Variants in YWHAG observed in about 807,000 individuals in gnomAD.
YWHAG encodes tyrosine 3-monooxygenase/tryptophan 5-monooxygenase activation protein gamma, also known as 14-3-3 protein gamma.
In YWHAG, 1 loss-of-function variant was observed where a neutral mutation model predicts 23.3. The observed-to-expected ratio is 0.04, with a 90% CI of 0.02 to 0.20. The LOEUF (loss-of-function observed/expected upper bound fraction) is 0.20. Among genes scored for constraint, YWHAG ranks in the 10% least tolerant of loss-of-function variants. The pLI, the probability that YWHAG is intolerant of heterozygous loss-of-function variation, is 1.00. For synonymous variants in YWHAG, 160 were observed against 144.0 expected, an observed-to-expected ratio of 1.11 and a Z score of -0.80; for missense variants, 151 against 338.6, an observed-to-expected ratio of 0.45 and a Z score of 4.35.
chr7:76,328,915 CCAAA>C lies in YWHAG; in HGVS notation c.*658_*661del, dbSNP rs1803497722. 6.6e-6 allele frequency: 1 copy of C among 152,384 alleles called. No homozygotes were observed. Among genetic ancestry groups the C allele is most frequent in the Non-Finnish European group, 1.5e-5 (1 of 68,018 alleles). The allele number at this position is 152,384 out of a possible 1,614,324, so 9.4% of individuals were successfully genotyped here. A position where few individuals can be genotyped will look rare whatever the true frequency, so the allele number is the denominator to read the frequency against. On this transcript the variant is annotated 3_prime_UTR_variant, in exon 2 of 2. Coordinates refer to ENST00000307630, the MANE Select transcript of YWHAG (RefSeq NM_012479.4). ...TAAGGCTGAATAAGGATGTTAAAGC[CCAAA>C]CAACTAGCAAAGGAAAAGTACACAA...
rs1159317365 is a variant in YWHAG at position 76,327,502 on chromosome 7, G to A, written c.*2075C>T. The A allele has an allele frequency of 6.6e-6, 1 of 152,554 alleles. No homozygotes were observed. The highest frequency in any genetic ancestry group is 1.9e-4 in the East Asian group (1 of 5,198). The allele number at this position is 152,554 out of a possible 1,614,324, so 9.5% of individuals were successfully genotyped here. ...CCCTCTCCGTTTTCAGCCCTCAGGT[G>A]TGATTTTTATCTTGCATTATTCTAA... On this transcript the variant is annotated 3_prime_UTR_variant, in exon 2 of 2. Transcript: ENST00000307630.
chr7:76,355,372 C>T (rs1803938315), intron 1 of YWHAG, among the ~76,000 whole-genome samples: 1 of 152,208 alleles, frequency 6.6e-6, no homozygotes, highest in Non-Finnish European at 1.5e-5. Context: ...ACATTTAGCG[C>T]CATGTTGAAT....
At chr7:76,338,515 C>G (rs1403042820) in intron 1 of YWHAG, among the ~76,000 whole-genome samples, 1 of 152,116 alleles carries the variant, frequency 6.6e-6, no homozygotes, top group Non-Finnish European at 1.5e-5. Context: ...CTCATTAACA[C>G]TCCACAGAGC....
chr7:76,340,784 T>C (rs1349247791), intron 1 of YWHAG, among the ~76,000 whole-genome samples: 1 of 152,246 alleles, frequency 6.6e-6, no homozygotes, highest in Non-Finnish European at 1.5e-5. Context: ...AGGTTAAGAA[T>C]TGTAGCAGTT....
chr7:76,345,263 G>T (rs1803760408), intron 1 of YWHAG, among the ~76,000 whole-genome samples: 1 of 147,854 alleles, frequency 6.8e-6, no homozygotes, highest in African/African-American at 2.5e-5. Flanking sequence ...TTGGCTCACT[G>T]CAAGCTCTGC....
chr7:76,349,854 C>A (rs1453292723), intron 1 of YWHAG, among the ~76,000 whole-genome samples: 1 of 152,034 alleles, frequency 6.6e-6, no homozygotes, highest in African/African-American at 2.4e-5. Flanking sequence ...ATTAGCCAGG[C>A]GTGGTGGTGG....
chr7:76,353,141 T>C lies in YWHAG; in HGVS notation c.87+5581A>G, dbSNP rs527309543. On this transcript the variant is annotated intron_variant, in intron 1 of 1. Coordinates refer to ENST00000307630, the MANE Select transcript of YWHAG (RefSeq NM_012479.4). ...CTTTTAAGATTTACAATTTTTATTT[T>C]TTCTACAAAATCATGGTAGCAAACC... Among the ~76,000 whole-genome samples the C allele has an allele frequency of 2.7e-4, 41 of 152,348 alleles. 1 individual carries two copies. In the South Asian group the frequency reaches 7.4e-3, roughly 28 times the overall value.
intron 1 of YWHAG, among the ~76,000 whole-genome samples, chr7:76,350,641 G>A (rs1416899494): frequency 1.3e-5 from 2 of 152,126 alleles, no homozygotes; most frequent in Non-Finnish European, 2.9e-5. Flanking sequence ...GCCAGGAGTT[G>A]GAGACCAGCC....
At chr7:76,343,456 A>G (rs1803729233) in intron 1 of YWHAG, among the ~76,000 whole-genome samples, 1 of 152,220 alleles carries the variant, frequency 6.6e-6, no homozygotes, top group South Asian at 2.1e-4. Context: ...GGGCTTGGCC[A>G]TATGAATCAG....
intron 1 of YWHAG, among the ~76,000 whole-genome samples, chr7:76,337,994 G>A (rs948243658): frequency 2.0e-5 from 3 of 151,968 alleles, no homozygotes; most frequent in East Asian, 3.9e-4. Context: ...TTATAAGTCC[G>A]GTGACCAGGG....
intron 1 of YWHAG, among the ~76,000 whole-genome samples, chr7:76,338,223 AG>A (rs1239059601): frequency 6.6e-6 from 1 of 152,210 alleles, no homozygotes; most frequent in African/African-American, 2.4e-5. Context: ...GGAAACTTGG[AG>A]AAAATTTTAA....
intron 1 of YWHAG, among the ~76,000 whole-genome samples, chr7:76,348,421 A>AT (rs35576700): frequency 0.039 from 5,078 of 130,910 alleles, 193 homozygotes; most frequent in East Asian, 0.15. Flanking sequence ...ATGCCCGCTA[A>AT]TTTTTTTTTT....
rs1347902298 is a variant in YWHAG at position 76,358,969 on chromosome 7, GGGACC to G, written c.-166_-162del. 1.8e-6 allele frequency: 1 copy of G among 570,886 alleles called. No individual in the cohort carries two copies. The highest frequency in any genetic ancestry group is 2.8e-6 in the Non-Finnish European group (1 of 361,520). 35.4% of individuals were successfully genotyped at this position (570,886 alleles called of 1,614,324 possible). Reference sequence around the variant, plus strand: ...AGGAGGCGGCTGGAGCTGCGACCGCGGGACCGGGCGCGAGGCGGCTGCGGCTGCTG... The same window carrying G: ...AGGAGGCGGCTGGAGCTGCGACCGCGGGGCGCGAGGCGGCTGCGGCTGCTG... On this transcript the variant is annotated 5_prime_UTR_variant, in exon 1 of 2. Transcript: ENST00000307630.
Position 76,358,988 on chromosome 7 carries a change from C to T in YWHAG, c.-180G>A, listed in dbSNP as rs1221736474. 6.1e-6 allele frequency: 3 copies of T among 489,110 alleles called. No homozygotes were observed. The highest frequency in any genetic ancestry group is 4.4e-5 in the Admixed American group (1 of 22,870). The allele number at this position is 489,110 out of a possible 1,614,324, so 30.3% of individuals were successfully genotyped here. A position where few individuals can be genotyped will look rare whatever the true frequency, so the allele number is the denominator to read the frequency against. Reference sequence around the variant, plus strand: ...GACCGCGGGACCGGGCGCGAGGCGGCTGCGGCTGCTGTGCGTGCCACTGAC... The same window carrying T: ...GACCGCGGGACCGGGCGCGAGGCGGTTGCGGCTGCTGTGCGTGCCACTGAC... On this transcript the variant is annotated 5_prime_UTR_variant, in exon 1 of 2. Transcript: ENST00000307630.
rs1349777504 is a variant in YWHAG, at chr7:76,328,496, TG to T, written c.*1080del. 2 of 152,198 alleles carry T rather than the reference TG, an allele frequency of 1.3e-5. No individual in the cohort carries two copies. The highest frequency in any genetic ancestry group is 4.8e-5 in the African/African-American group (2 of 41,432). The allele number at this position is 152,198 out of a possible 1,614,324, so 9.4% of individuals were successfully genotyped here. On this transcript the variant is annotated 3_prime_UTR_variant, in exon 2 of 2. Coordinates refer to ENST00000307630, the MANE Select transcript of YWHAG (RefSeq NM_012479.4). ...TTTCTACCAGTAGGCTTCTAGCACCTGAATTTTCACACACTGCACCACAGAC... is the reference window on the plus strand; with the variant it reads ...TTTCTACCAGTAGGCTTCTAGCACCTAATTTTCACACACTGCACCACAGAC...
chr7:76,333,930 A>G (rs1245815301), intron 1 of YWHAG, among the ~76,000 whole-genome samples: 1 of 152,228 alleles, frequency 6.6e-6, no homozygotes, highest in Non-Finnish European at 1.5e-5. Context: ...TCCTGCCACA[A>G]ATGAAGTCTC....
intron 1 of YWHAG, among the ~76,000 whole-genome samples, chr7:76,340,187 A>G (rs531345843): frequency 1.5e-4 from 23 of 152,352 alleles, no homozygotes; most frequent in Non-Finnish European, 2.8e-4. Context: ...CACATTGTGC[A>G]AGGGGCAACT....
At chr7:76,350,646 C>A (rs542014985) in intron 1 of YWHAG, among the ~76,000 whole-genome samples, 4 of 152,180 alleles carry the variant, frequency 2.6e-5, no homozygotes, top group Non-Finnish European at 5.9e-5. Context: ...GAGTTGGAGA[C>A]CAGCCTGGCC....
chr7:76,356,409 G>T (rs762515406), intron 1 of YWHAG, among the ~76,000 whole-genome samples: 1 of 146,982 alleles, frequency 6.8e-6, no homozygotes, highest in African/African-American at 2.7e-5. Context: ...ATACTGTGAA[G>T]GAGCAGAAGC....
Sources: allele counts gnomAD v4.1 joint callset (sites outside exome capture counted in the v4.1 genomes callset), GRCh38; gene constraint gnomAD v4.1.1; transcripts MANE v1.5; gene names NCBI Gene and HGNC (gene_info 2026-07-23, HGNC 2026-07-21).